The following CPNE4 variants were observed in gnomAD, a reference collection of about 807,000 sequenced individuals.
The protein encoded by CPNE4 is copine-4.
Under a neutral mutation model 67.9 loss-of-function variants are expected in CPNE4, and 25 were observed. The observed-to-expected ratio is 0.37, with a 90% confidence interval of 0.27 to 0.51. The LOEUF is 0.51. CPNE4 is among the 20% of genes least tolerant of loss of function. CPNE4 has a pLI of 0.93. For missense variants in CPNE4, 464 were observed against 690.8 expected (o/e 0.67, Z 3.68); for synonymous variants, 242 against 244.9 (o/e 0.99, Z 0.11).
chr3:131,636,585 AG>A (rs1413247873), intron 7 of CPNE4, among the ~76,000 whole-genome samples: 2 of 152,114 alleles, frequency 1.3e-5, no homozygotes, highest in African/African-American at 2.4e-5. Flanking sequence ...CAAAGGTCAT[AG>A]TCTCTTGGAA....
At chr3:131,726,442 T>C (rs1291081346) in intron 2 of CPNE4, among the ~76,000 whole-genome samples, 1 of 152,080 alleles carries the variant, frequency 6.6e-6, no homozygotes, top group Non-Finnish European at 1.5e-5. Context: ...AGAAAGCCAC[T>C]AAGAATCCTG....
chr3:131,886,139 TG>T (rs1356550012), intron 2 of CPNE4, among the ~76,000 whole-genome samples: 1 of 152,214 alleles, frequency 6.6e-6, no homozygotes, highest in African/African-American at 2.4e-5. Context: ...TTTCATGGGC[TG>T]GGCCCAGGGT....
At chr3:131,908,900 T>C (rs774682131) in intron 1 of CPNE4, among the ~76,000 whole-genome samples, 6 of 152,144 alleles carry the variant, frequency 3.9e-5, no homozygotes, top group Non-Finnish European at 8.8e-5. Flanking sequence ...GATTAAATAA[T>C]ATATGTAATG....
chr3:132,012,173 G>GTTTT (rs10663165), intron 1 of CPNE4, among the ~76,000 whole-genome samples: 10 of 136,142 alleles, frequency 7.3e-5, no homozygotes, highest in Non-Finnish European at 1.1e-4. Context: ...TTGCTTTTTC[G>GTTTT]TTTTTTTTTT....
intron 1 of CPNE4, among the ~76,000 whole-genome samples, chr3:131,939,721 C>T (rs1038821193): frequency 6.6e-6 from 1 of 152,122 alleles, no homozygotes; most frequent in Non-Finnish European, 1.5e-5. Context: ...CGGTGTCAGG[C>T]ACAGTTCTAA....
chr3:131,770,045 T>A (rs993634261), intron 2 of CPNE4, among the ~76,000 whole-genome samples: 2 of 152,130 alleles, frequency 1.3e-5, no homozygotes, highest in Non-Finnish European at 2.9e-5. Context: ...TGAAACGACC[T>A]CAAGTTCTGT....
chr3:132,031,740 A>G (rs1397745780), intron 1 of CPNE4, among the ~76,000 whole-genome samples: 2 of 152,224 alleles, frequency 1.3e-5, no homozygotes, highest in Non-Finnish European at 2.9e-5. Context: ...AACCTTATAA[A>G]TGTGTTCAGT....
intron 1 of CPNE4, among the ~76,000 whole-genome samples, chr3:131,981,556 TG>T (rs2107637332): frequency 6.6e-6 from 1 of 152,302 alleles, no homozygotes; most frequent in African/African-American, 2.4e-5. Context: ...GTTCTTCCCC[TG>T]CCTGTGGAGC....
intron 2 of CPNE4, among the ~76,000 whole-genome samples, chr3:131,822,375 C>G (rs867693118): frequency 1.3e-5 from 2 of 152,208 alleles, no homozygotes; most frequent in Non-Finnish European, 2.9e-5. Flanking sequence ...CTAGCCTTCA[C>G]TCAAATGAAC....
At chr3:131,696,699 G>T in intron 4 of CPNE4, 83 bp from the exon 5 acceptor site, 1 of 1,233,772 alleles carries the variant, frequency 8.1e-7, no homozygotes, top group Non-Finnish European at 1.2e-6. Flanking sequence ...GTTCCTGTTT[G>T]GTTCAAAACT....
chr3:131,942,065 A>C (rs1237281631), intron 1 of CPNE4, among the ~76,000 whole-genome samples: 1 of 152,086 alleles, frequency 6.6e-6, no homozygotes, highest in Non-Finnish European at 1.5e-5. Context: ...TATAGTTAAA[A>C]AAATTGAAAA....
At chr3:131,828,966 T>C (rs912955024) in intron 2 of CPNE4, among the ~76,000 whole-genome samples, 3 of 152,142 alleles carry the variant, frequency 2.0e-5, no homozygotes, top group Non-Finnish European at 4.4e-5. Context: ...ACTGGGCAAT[T>C]TACAAAAGAA....
intron 2 of CPNE4, among the ~76,000 whole-genome samples, chr3:131,755,556 A>G (rs988670799): frequency 6.6e-6 from 1 of 152,250 alleles, no homozygotes; most frequent in African/African-American, 2.4e-5. Flanking sequence ...CAAAACAATT[A>G]CAAATCAATT....
chr3:131,880,306 G>T (rs891894333), intron 2 of CPNE4, among the ~76,000 whole-genome samples: 1 of 151,872 alleles, frequency 6.6e-6, no homozygotes, highest in Non-Finnish European at 1.5e-5. Context: ...TAGTAGAGAC[G>T]GGTTTTCACC....
At chr3:131,785,738 T>G (rs2083545188) in intron 2 of CPNE4, among the ~76,000 whole-genome samples, 1 of 151,746 alleles carries the variant, frequency 6.6e-6, no homozygotes, top group African/African-American at 2.4e-5. Flanking sequence ...ATTTTGTCTG[T>G]GAGATCATCT....
intron 2 of CPNE4, among the ~76,000 whole-genome samples, chr3:131,835,837 A>T (rs1375052730): frequency 6.6e-6 from 1 of 152,154 alleles, no homozygotes; most frequent in African/African-American, 2.4e-5. Context: ...GCTGCTGCAG[A>T]TAGAGTAGAG....
At position 131,723,138 on chromosome 3, in the gene CPNE4, T is replaced by G. The variant is rs77435552; in HGVS notation, c.360+308A>C. On this transcript the variant is annotated intron_variant, in intron 3 of 15. Coordinates refer to ENST00000429747, the MANE Select transcript of CPNE4 (RefSeq NM_130808.3). ...ACAGGATAAGGCTATAACAGACATG[T>G]GAAAAGAGCATAGTGCCAGACACAT... 8.5e-5 allele frequency among the ~76,000 whole-genome samples: 13 copies of G among 152,222 alleles called. No homozygotes were observed. In the East Asian group the frequency reaches 2.5e-3, roughly 29 times the overall value.
chr3:131,797,763 G>T (rs1225426645), intron 2 of CPNE4, among the ~76,000 whole-genome samples: 2 of 152,116 alleles, frequency 1.3e-5, no homozygotes, highest in Non-Finnish European at 2.9e-5. Flanking sequence ...ATAACACATC[G>T]ATGCCTTTTA....
intron 2 of CPNE4, among the ~76,000 whole-genome samples, chr3:131,741,105 T>C (rs1454734681): frequency 6.6e-6 from 1 of 152,242 alleles, no homozygotes; most frequent in African/African-American, 2.4e-5. Context: ...CATTTGCTGC[T>C]TTAATTTTTC....
Sources: allele counts gnomAD v4.1 joint callset (sites outside exome capture counted in the v4.1 genomes callset), GRCh38; gene constraint gnomAD v4.1.1; transcripts MANE v1.5; gene names NCBI Gene and HGNC (gene_info 2026-07-23, HGNC 2026-07-21).